The following GPR20 variants were observed in gnomAD, a reference collection of about 807,000 sequenced individuals.
GPR20 encodes G protein-coupled receptor 20.
For synonymous variants in GPR20, 241 were observed against 241.9 expected (o/e 1.00, Z 0.04); for missense variants, 494 against 527.4 (o/e 0.94, Z 0.62).
intron 1 of GPR20, among the ~76,000 whole-genome samples, chr8:141,366,520 C>T (rs2154616687): frequency 6.6e-6 from 1 of 152,366 alleles, no homozygotes; most frequent in Admixed American, 6.5e-5. Flanking sequence ...CTTCGCGGGG[C>T]TGGAGCCAGC....
Position 141,357,339 on chromosome 8 carries a change from G to A in GPR20, c.585C>T (p.Cys195=). ...CCAGGACAGTCAGCGCAAAGACACGGCAGCAGGGCCGGCTGCCTGTCACGC... is the reference window on the plus strand; with the variant it reads ...CCAGGACAGTCAGCGCAAAGACACGACAGCAGGGCCGGCTGCCTGTCACGC... The part of the protein sequence containing the change: ...VLGVTGSRPC[C]RVFALTVLEF... The change falls in exon 2 of 2, where the codon TGC becomes TGT. Residue 195 remains cysteine (C), a synonymous_variant. Transcript: ENST00000377741. 2 of 1,548,488 alleles carry A rather than the reference G, an allele frequency of 1.3e-6. No individual in the cohort carries two copies. Among genetic ancestry groups the A allele is most frequent in the Non-Finnish European group, 1.7e-6 (2 of 1,151,638 alleles).
rs1252231549 is a variant in GPR20 at position 141,356,855 on chromosome 8, CGGGCCCATTAGCCA to C, written c.1055_1068del (p.Leu352ArgfsTer37). The C allele has an allele frequency of 3.1e-6, 5 of 1,592,590 alleles. No individual in the cohort carries two copies. In the East Asian group the frequency reaches 1.1e-4, roughly 36 times the overall value. On this transcript the variant is annotated frameshift_variant, in exon 2 of 2. Coordinates refer to ENST00000377741, the MANE Select transcript of GPR20 (RefSeq NM_005293.3). LOFTEE classifies it high-confidence loss of function. The stretch of plus-strand genomic sequence containing the variant: ...TGGCAGAGCCCTGCTGACTAAGCCT[CGGGCCCATTAGCCA>C]GGGCCTGGGTGAGGGCGTGAGGGCC...
intron 1 of GPR20, among the ~76,000 whole-genome samples, chr8:141,363,520 C>T (rs1831769764): frequency 6.6e-6 from 1 of 152,256 alleles, no homozygotes; most frequent in Non-Finnish European, 1.5e-5. Flanking sequence ...ACCACTAGTC[C>T]ATGCCCAGAG....
intron 1 of GPR20, among the ~76,000 whole-genome samples, chr8:141,365,255 G>T (rs188349088): frequency 1.8e-3 from 270 of 152,290 alleles, no homozygotes; most frequent in African/African-American, 6.2e-3. Flanking sequence ...CCTTCCCAGG[G>T]TCTTATTGAC....
chr8:141,356,867 C>T lies in GPR20; in HGVS notation c.1057G>A (p.Ala353Thr). 6.2e-7 allele frequency: 1 copy of T among 1,600,784 alleles called. No homozygotes were observed. The highest frequency in any genetic ancestry group is 8.5e-7 in the Non-Finnish European group (1 of 1,171,586). Residue 353 changes from alanine to threonine, a missense_variant, in exon 2 of 2, where the codon GCT (alanine) becomes ACT (threonine). Transcript: ENST00000377741. ...AGPHALTQALANGPEA is the reference protein window; with the variant it reads ...AGPHALTQALTNGPEA ...GCTGACTAAGCCTCGGGCCCATTAG[C>T]CAGGGCCTGGGTGAGGGCGTGAGGG... is the stretch of plus-strand genomic sequence containing the variant.
chr8:141,366,597 G>A (rs1392787899), intron 1 of GPR20, among the ~76,000 whole-genome samples: 4 of 152,258 alleles, frequency 2.6e-5, no homozygotes. Context: ...ACCCCTAAGG[G>A]GTAGAGACAG....
Position 141,357,474 on chromosome 8 carries a change from C to T in GPR20, c.450G>A (p.Leu150=). ...GGGAGCCTTCGGGCCGCACGATGGC[C>T]AGGTAGCGGTCCACGCAGATGCAGG... ...FLTCICVDRY[L]AIVRPEGSRR... is the part of the protein sequence containing the mutation. The change falls in exon 2 of 2, where the codon CTG becomes CTA. Residue 150 remains leucine, a synonymous_variant. Transcript: ENST00000377741. 4.3e-6 allele frequency: 7 copies of T among 1,612,624 alleles called. No homozygotes were observed. Among genetic ancestry groups the T allele is most frequent in the Non-Finnish European group, 5.9e-6 (7 of 1,179,770 alleles).
Position 141,357,573 on chromosome 8 carries a change from C to T in GPR20, c.351G>A (p.Arg117=), listed in dbSNP as rs753775803. The change falls in exon 2 of 2, where the codon AGG becomes AGA. Residue 117 remains arginine, a synonymous_variant. Coordinates refer to ENST00000377741, the MANE Select transcript of GPR20 (RefSeq NM_005293.3). The part of the protein sequence containing the change: ...PTRFAVYYGA[R]GCLRCAFPHV... ...GCGGGAAGGCACAGCGCAGGCAGCCCCTGGCGCCGTAGTACACAGCGAAGC... is the reference window on the plus strand; with the variant it reads ...GCGGGAAGGCACAGCGCAGGCAGCCTCTGGCGCCGTAGTACACAGCGAAGC... 31 of 1,613,928 alleles carry T rather than the reference C, an allele frequency of 1.9e-5. No homozygotes were observed. The South Asian group carries it at 2.2e-4, about 11-fold the overall frequency.
At chr8:141,363,484 C>T (rs1462573209) in intron 1 of GPR20, among the ~76,000 whole-genome samples, 2 of 152,232 alleles carry the variant, frequency 1.3e-5, no homozygotes, top group Non-Finnish European at 2.9e-5. Context: ...CCTGGGGGTT[C>T]CTGCTCCATC....
rs1463198421 is a variant in GPR20 at position 141,356,611 on chromosome 8, G to A, written c.*236C>T. ...ACCCCTGTGAGTTTTCAGTGGACGT[G>A]CTATACCCCAGGAACAGCAAATCAC... On this transcript the variant is annotated 3_prime_UTR_variant, in exon 2 of 2. Transcript: ENST00000377741. The A allele has an allele frequency of 2.1e-6, 1 of 471,080 alleles. No individual in the cohort carries two copies. The highest frequency in any genetic ancestry group is 3.7e-6 in the Non-Finnish European group (1 of 267,836). 29.2% of individuals were successfully genotyped at this position (471,080 alleles called of 1,614,324 possible).
At chr8:141,359,112 G>A (rs1240287014) in intron 1 of GPR20, among the ~76,000 whole-genome samples, 3 of 62,590 alleles carry the variant, frequency 4.8e-5, no homozygotes, top group Non-Finnish European at 7.6e-5. Flanking sequence ...TTTGGGGCCA[G>A]CAGGGTGGGG....
chr8:141,361,280 G>T (rs372743336), intron 1 of GPR20, among the ~76,000 whole-genome samples: 20 of 152,262 alleles, frequency 1.3e-4, no homozygotes, highest in Admixed American at 1.1e-3. Flanking sequence ...ACGAGGGCCT[G>T]CTCTCCAGGG....
intron 1 of GPR20, among the ~76,000 whole-genome samples, chr8:141,363,869 G>A (rs13260421): frequency 0.3 from 45,862 of 152,236 alleles, 8,554 homozygotes; most frequent in South Asian, 0.45. Flanking sequence ...TGGCTGTTGA[G>A]CCTGCCTGGG....
In GPR20 at chr8:141,361,649, T is replaced by C. The variant is rs576954366; in HGVS notation, c.-24-3702A>G. ...ACACTACTCACTGCCCCCGCCAGCC[T>C]GGAGGGAGGGCTCTGACCTGGGTGG... On this transcript the variant is annotated intron_variant, in intron 1 of 1. Coordinates refer to ENST00000377741, the MANE Select transcript of GPR20 (RefSeq NM_005293.3). Among the ~76,000 whole-genome samples, 3 of 152,292 alleles carry C rather than the reference T, an allele frequency of 2.0e-5. No individual in the cohort carries two copies. The South Asian group carries it at 6.2e-4, about 32-fold the overall frequency.
Position 141,357,234 on chromosome 8 carries a change from G to T in GPR20, c.690C>A (p.His230Gln). 6.4e-7 allele frequency: 1 copy of T among 1,555,722 alleles called. No homozygotes were observed. Among genetic ancestry groups the T allele is most frequent in the Non-Finnish European group, 8.7e-7 (1 of 1,153,766 alleles). Residue 230 changes from histidine (H) to glutamine (Q), a missense_variant, in exon 2 of 2, where the codon CAC becomes CAA. Transcript: ENST00000377741. ...CCCGCACGCGGCGCTGGCGACCCTG[G>T]TGGAGCAGACCCGGCCGCGACAGTG... ...MCALSRPGLL[H>Q]QGRQRRVRAM...
At chr8:141,359,293 C>A (rs1563706070) in intron 1 of GPR20, among the ~76,000 whole-genome samples, 1 of 152,186 alleles carries the variant, frequency 6.6e-6, no homozygotes, top group Non-Finnish European at 1.5e-5. Flanking sequence ...TGAGCCCTGC[C>A]TTCAAACAGC....
intron 1 of GPR20, among the ~76,000 whole-genome samples, chr8:141,363,256 A>G (rs943016544): frequency 6.6e-6 from 1 of 152,252 alleles, no homozygotes; most frequent in Non-Finnish European, 1.5e-5. Context: ...CACCCCCAAC[A>G]TGGGAGGCGT....
rs754695464 is a variant in GPR20, at chr8:141,357,171, G to A, written c.753C>T (p.Leu251=). Residue 251 remains leucine (L), a synonymous_variant, in exon 2 of 2, where the codon CTC becomes CTT. Coordinates refer to ENST00000377741, the MANE Select transcript of GPR20 (RefSeq NM_005293.3). ...QLLLTVLIIF[L]VCFTPFHARQ... ...GGGCGTGGAAGGGCGTGAAGCAGAC[G>A]AGAAAGATGATGAGCACCGTGAGCA... 7.5e-6 allele frequency: 12 copies of A among 1,604,306 alleles called. No homozygotes were observed. The highest frequency in any genetic ancestry group is 5.1e-5 in the Admixed American group (3 of 58,888).
rs1448192805 is a variant in GPR20, at chr8:141,356,687, T to C, written c.*160A>G. On this transcript the variant is annotated 3_prime_UTR_variant, in exon 2 of 2. Coordinates refer to ENST00000377741, the MANE Select transcript of GPR20 (RefSeq NM_005293.3). ...CGGAGCCAGTGGCAGACATTGCTAA[T>C]CAACCACAGCACAGTGGCCTTAGAC... is the stretch of plus-strand genomic sequence containing the variant. 1 of 548,800 alleles carries C rather than the reference T, an allele frequency of 1.8e-6. No homozygotes were observed. Among genetic ancestry groups the C allele is most frequent in the Non-Finnish European group, 3.2e-6 (1 of 314,780 alleles). The allele number at this position is 548,800 out of a possible 1,614,324, so 34.0% of individuals were successfully genotyped here.
Sources: allele counts gnomAD v4.1 joint callset (sites outside exome capture counted in the v4.1 genomes callset), GRCh38; gene constraint gnomAD v4.1.1; transcripts MANE v1.5; gene names NCBI Gene and HGNC (gene_info 2026-07-23, HGNC 2026-07-21).